Variants in LSS observed in about 807,000 individuals in gnomAD.
The protein encoded by LSS is lanosterol synthase, also known as 2,3-epoxysqualene-lanosterol cyclase.
A neutral mutation model predicts 110.3 loss-of-function variants in LSS; 90 were observed. The observed-to-expected ratio is 0.82, with a 90% CI of 0.69 to 0.97. The LOEUF (loss-of-function observed/expected upper bound fraction) is 0.97, where lower values mean the gene tolerates loss of function less well. LSS is among the 50% of genes least tolerant of loss of function. The pLI is 0.00. For synonymous variants in LSS, 433 were observed against 400.0 expected (o/e 1.08, Z -0.98); for missense variants, 927 against 990.0 (o/e 0.94, Z 0.85).
Position 46,207,481 on chromosome 21 carries a change from G to A in LSS, c.1414C>T (p.Pro472Ser), listed in dbSNP as rs750596712. 3 of 1,612,522 alleles carry A rather than the reference G, an allele frequency of 1.9e-6. No individual in the cohort carries two copies. The highest frequency in any genetic ancestry group is 2.2e-5 in the South Asian group (2 of 90,674). ...CTGGGGATGTGCTCGGTGACATGGG[G>A]ACACTTCTCCTGCAGGAGCAGCACA... The part of the protein sequence containing the change: ...KAVLLLQEKC[P>S]HVTEHIPRER... Residue 472 changes from proline (P) to serine (S), a missense_variant, in exon 15 of 22, where the codon CCC (proline) becomes TCC (serine). Physicochemically the swap from Pro to Ser is moderately conservative, Grantham distance 74 (BLOSUM62 -1). Transcript: ENST00000397728.
intron 6 of LSS, among the ~76,000 whole-genome samples, chr21:46,219,191 G>A (rs981095329): frequency 1.7e-4 from 26 of 152,294 alleles, no homozygotes; most frequent in Admixed American, 1.1e-3. Flanking sequence ...CAGATGCTGA[G>A]TCTTCCACAG....
intron 6 of LSS, among the ~76,000 whole-genome samples, chr21:46,219,188 TGAG>T (rs1426394013): frequency 1.4e-4 from 22 of 152,256 alleles, no homozygotes; most frequent in African/African-American, 5.1e-4. Flanking sequence ...CTACAGATGC[TGAG>T]TCTTCCACAG....
intron 11 of LSS, among the ~76,000 whole-genome samples, chr21:46,211,238 T>G (rs1035052139): frequency 2.0e-5 from 3 of 152,198 alleles, no homozygotes; most frequent in Non-Finnish European, 4.4e-5. Flanking sequence ...GCCATTCTCC[T>G]GCCTCAGCCT....
At chr21:46,222,381 G>A (rs1055432186) in intron 4 of LSS, 11 of 559,278 alleles carry the variant, frequency 2.0e-5, no homozygotes, top group Admixed American at 1.0e-4. Context: ...CAGACTGACA[G>A]TTTTCACATG....
chr21:46,205,794 G>A (rs370831101), intron 17 of LSS, 42 bp downstream of exon 17: 115 of 1,508,498 alleles, frequency 7.6e-5, no homozygotes, highest in Non-Finnish European at 1.0e-4. Flanking sequence ...CTTGGCCCCC[G>A]ACTTGGCAGC....
In LSS at chr21:46,210,411, T is replaced by A. The variant is rs572461295; in HGVS notation, c.1194+277A>T. Among the ~76,000 whole-genome samples, 3 of 152,158 alleles carry A rather than the reference T, an allele frequency of 2.0e-5. No individual in the cohort carries two copies. The East Asian group carries it at 5.8e-4, about 30-fold the overall frequency. On this transcript the variant is annotated intron_variant, in intron 12 of 21. Coordinates refer to ENST00000397728, the MANE Select transcript of LSS (RefSeq NM_002340.6). ...AAGAGCCTGGAGTCCCACTCCTGCCTGCACTCTCAGAAACAGCCTTCACCA... is the reference window on the plus strand; with the variant it reads ...AAGAGCCTGGAGTCCCACTCCTGCCAGCACTCTCAGAAACAGCCTTCACCA...
rs748758448 is a variant in LSS at position 46,210,683 on chromosome 21, C to T, written c.1194+5G>A. The T allele has an allele frequency of 1.4e-5, 22 of 1,613,720 alleles. 1 individual carries two copies. The highest frequency in any genetic ancestry group is 1.6e-4 in the Middle Eastern group (1 of 6,080). On this transcript the variant is annotated splice_donor_5th_base_variant and intron_variant, in intron 12 of 21. Transcript: ENST00000397728. Reference sequence around the variant, plus strand: ...GAGGCTGAGAAAAGAGAAGGAGCCACGAACCTCAAGCAGAGCCTGGATGGC... The same window carrying T: ...GAGGCTGAGAAAAGAGAAGGAGCCATGAACCTCAAGCAGAGCCTGGATGGC...
intron 20 of LSS, chr21:46,193,771 T>C (rs1436701907): frequency 2.4e-6 from 1 of 412,870 alleles, no homozygotes; most frequent in African/African-American, 2.1e-5. Flanking sequence ...TGTCTCCATG[T>C]ACCTACGTCT....
In LSS at chr21:46,191,367, A is replaced by C; in HGVS notation, c.2068-132T>G. 35 of 931,864 alleles carry C rather than the reference A, an allele frequency of 3.8e-5. No individual in the cohort carries two copies. In the South Asian group the frequency reaches 4.8e-4, roughly 13 times the overall value. 57.7% of individuals were successfully genotyped at this position (931,864 alleles called of 1,614,324 possible). ...GCCTGGAAAGGGCTAATTAAGCAAG[A>C]GCATAGGAAAGCAAGTAGTCCATCC... On this transcript the variant is annotated intron_variant, in intron 21 of 21. Transcript: ENST00000397728.
intron 1 of LSS, 52 bp downstream of exon 1, chr21:46,228,680 A>G: frequency 4.4e-6 from 7 of 1,601,252 alleles, no homozygotes; most frequent in Non-Finnish European, 5.9e-6. Context: ...CGCTCTCCTC[A>G]GCACCTAGGA....
At position 46,216,566 on chromosome 21, in the gene LSS, A is replaced by G. The variant is rs758042513; in HGVS notation, c.648-42T>C. 3.9e-6 allele frequency: 6 copies of G among 1,519,296 alleles called. No individual in the cohort carries two copies. In the East Asian group the frequency reaches 1.2e-4, roughly 30 times the overall value. The allele number at this position is 1,519,296 out of a possible 1,614,324, so 94.1% of individuals were successfully genotyped here. A position where few individuals can be genotyped will look rare whatever the true frequency, so the allele number is the denominator to read the frequency against. On this transcript the variant is annotated intron_variant, in intron 6 of 21. Transcript: ENST00000397728. The surrounding 1 kb of genome is among the most constrained non-coding windows in gnomAD (Gnocchi z 4.2). ...AGTCAGTGGGAGACCCCAAGACTCA[A>G]GCCTGCCCCCTCCGCCAGCATCCAT... is the stretch of plus-strand genomic sequence containing the variant.
intron 6 of LSS, among the ~76,000 whole-genome samples, chr21:46,217,941 C>T (rs924577064): frequency 6.6e-6 from 1 of 152,218 alleles, no homozygotes; most frequent in Non-Finnish European, 1.5e-5. Flanking sequence ...ACTCTGGTAT[C>T]TCTGTCTACC....
At chr21:46,192,235 G>T in intron 20 of LSS, 1 of 545,646 alleles carries the variant, frequency 1.8e-6, no homozygotes, top group Non-Finnish European at 3.3e-6. Context: ...TGAAGAGGAC[G>T]CCAAGCCTTG....
At chr21:46,227,794 A>G in intron 2 of LSS, 104 bp from the exon 3 acceptor site, 3 of 1,333,976 alleles carry the variant, frequency 2.2e-6, no homozygotes, top group Non-Finnish European at 3.1e-6. Context: ...GTGAATGTAA[A>G]TTACTTTAAA....
At chr21:46,227,440 G>A (rs2080355082) in intron 3 of LSS, 112 bp downstream of exon 3, 2 of 1,364,610 alleles carry the variant, frequency 1.5e-6, no homozygotes, top group Non-Finnish European at 2.0e-6. Flanking sequence ...CCCTTTTCTT[G>A]TGAGCCCCTG....
At chr21:46,207,986 C>T (rs745824424) in intron 14 of LSS, among the ~76,000 whole-genome samples, 1 of 152,264 alleles carries the variant, frequency 6.6e-6, no homozygotes, top group Non-Finnish European at 1.5e-5. Flanking sequence ...TTCGGCTGTC[C>T]TTCTGAAGCC....
chr21:46,195,070 G>A (rs1040234629), intron 19 of LSS, among the ~76,000 whole-genome samples: 3 of 152,170 alleles, frequency 2.0e-5, no homozygotes, highest in African/African-American at 4.8e-5. Context: ...CCGGCGGCTG[G>A]AGACACGGCT....
chr21:46,194,018 CTG>C (rs1011970115), intron 20 of LSS, among the ~76,000 whole-genome samples: 46 of 152,130 alleles, frequency 3.0e-4, no homozygotes, highest in African/African-American at 9.9e-4. Flanking sequence ...CCATGTACAT[CTG>C]TGTGTGCACA....
chr21:46,198,340 C>T (rs765596167), intron 17 of LSS, among the ~76,000 whole-genome samples: 2 of 150,638 alleles, frequency 1.3e-5, no homozygotes, highest in South Asian at 2.1e-4. Context: ...TAAAACACAA[C>T]GCCATTTACA....
Sources: allele counts gnomAD v4.1 joint callset (sites outside exome capture counted in the v4.1 genomes callset), GRCh38; gene constraint gnomAD v4.1.1; non-coding constraint Gnocchi (gnomAD v3.1); transcripts MANE v1.5; gene names NCBI Gene and HGNC (gene_info 2026-07-23, HGNC 2026-07-21).